The following CBL variants were observed in gnomAD, a reference collection of about 807,000 sequenced individuals.
CBL encodes E3 ubiquitin-protein ligase CBL.
CBL carries 45 observed loss-of-function variants against 96.9 expected under a neutral mutation model. The ratio of observed to expected loss-of-function variants is 0.46; its 90% CI spans 0.37 to 0.60. CBL has a LOEUF of 0.60. Ranked by LOEUF, CBL falls within the 20% of genes least tolerant of loss-of-function variation. The pLI is 0.00. For missense variants in CBL, 1,024 were observed against 1,143.5 expected (o/e 0.90, Z 1.51); for synonymous variants, 420 against 426.8 (o/e 0.98, Z 0.20).
intron 1 of CBL, among the ~76,000 whole-genome samples, chr11:119,208,967 C>G (rs146637403): frequency 6.6e-6 from 1 of 152,314 alleles, no homozygotes; most frequent in Non-Finnish European, 1.5e-5. Context: ...CTTTTCCCTT[C>G]CAGTGTAGGG....
chr11:119,273,809 C>T (rs777023989), intron 3 of CBL, 59 bp from the exon 4 acceptor site: 46 of 1,450,680 alleles, frequency 3.2e-5, no homozygotes, highest in South Asian at 3.1e-4. Context: ...TTGATTATGG[C>T]GATGCCTGGA....
intron 1 of CBL, among the ~76,000 whole-genome samples, chr11:119,213,489 A>G (rs1037482290): frequency 6.6e-6 from 1 of 152,054 alleles, no homozygotes. Flanking sequence ...TTTTTTCTGT[A>G]TTTATCTTAA....
intron 14 of CBL, among the ~76,000 whole-genome samples, chr11:119,297,703 C>A (rs1465570845): frequency 2.0e-5 from 3 of 152,096 alleles, no homozygotes; most frequent in Non-Finnish European, 1.5e-5. Context: ...GGTGATCCAC[C>A]CCTCCCAAAG....
At position 119,283,575 on chromosome 11, in the gene CBL, A is replaced by AT. The variant is rs541957286; in HGVS notation, c.1432-1388dup. Among the ~76,000 whole-genome samples the AT allele has an allele frequency of 2.6e-3, 314 of 121,942 alleles. 2 individuals are homozygous for AT. Among genetic ancestry groups the AT allele is most frequent in the Middle Eastern group, 5.7e-3 (1 of 176 alleles). 80.0% of individuals were successfully genotyped at this position (121,942 alleles called of 152,430 possible). ...GTTCTTTCTTCTAATTTGGTACCTCATTTTTTAGAGCTCAAATTGACAGAA... is the reference window on the plus strand; with the variant it reads ...GTTCTTTCTTCTAATTTGGTACCTCATTTTTTTAGAGCTCAAATTGACAGAA... On this transcript the variant is annotated intron_variant, in intron 9 of 15. Coordinates refer to ENST00000264033, the MANE Select transcript of CBL (RefSeq NM_005188.4).
At chr11:119,283,640 T>C (rs1266445774) in intron 9 of CBL, among the ~76,000 whole-genome samples, 8 of 117,946 alleles carry the variant, frequency 6.8e-5, no homozygotes, top group African/African-American at 2.5e-4. Flanking sequence ...TTTTTTTTTT[T>C]TTTTTTTTTT....
intron 2 of CBL, among the ~76,000 whole-genome samples, chr11:119,254,319 A>G (rs544832664): frequency 7.4e-4 from 112 of 152,350 alleles, no homozygotes; most frequent in African/African-American, 2.6e-3. Flanking sequence ...TCTTTTATGT[A>G]AGTGCAACCA....
rs201158775 is a variant in CBL at position 119,264,443 on chromosome 11, T to C, written c.444-7292T>C. Among the ~76,000 whole-genome samples the C allele has an allele frequency of 6.8e-4, 17 of 25,116 alleles. No individual in the cohort carries two copies. The East Asian group carries it at 0.014, about 21-fold the overall frequency. 16.5% of individuals were successfully genotyped at this position (25,116 alleles called of 152,430 possible). ...CTTCTCTTCTCTTCTCTTCTCTTCTTTCTCTTCTCTTCTCTTCTCTTTTCT... is the reference window on the plus strand; with the variant it reads ...CTTCTCTTCTCTTCTCTTCTCTTCTCTCTCTTCTCTTCTCTTCTCTTTTCT... On this transcript the variant is annotated intron_variant, in intron 2 of 15. Transcript: ENST00000264033.
In CBL at chr11:119,306,907, C is replaced by T. The variant is rs1367059446; in HGVS notation, c.*7126C>T. ...GATTTTTAACCTTATATATCTTTTT[C>T]CTTTACTCAAAACAAAACAATTTTT... is the stretch of plus-strand genomic sequence containing the variant. On this transcript the variant is annotated 3_prime_UTR_variant, in exon 16 of 16. Coordinates refer to ENST00000264033, the MANE Select transcript of CBL (RefSeq NM_005188.4). The T allele has an allele frequency of 8.7e-6, 2 of 229,622 alleles. No individual in the cohort carries two copies. Among genetic ancestry groups the T allele is most frequent in the African/African-American group, 2.2e-5 (1 of 44,974 alleles). 14.2% of individuals were successfully genotyped at this position (229,622 alleles called of 1,614,324 possible).
intron 2 of CBL, among the ~76,000 whole-genome samples, chr11:119,264,450 CTCTTCTCTTCTCTTT>C (rs1565868426): frequency 1.1e-4 from 13 of 121,524 alleles, no homozygotes; most frequent in East Asian, 2.7e-4. Flanking sequence ...TCTTTCTCTT[CTCTTCTCTTCTCTTT>C]TCTTCTTTTC....
intron 2 of CBL, among the ~76,000 whole-genome samples, chr11:119,260,052 A>C (rs188642309): frequency 1.6e-4 from 25 of 152,258 alleles, no homozygotes; most frequent in Admixed American, 6.5e-4. Context: ...TTCCCAAGCT[A>C]CCTGCTAGTT....
intron 9 of CBL, among the ~76,000 whole-genome samples, chr11:119,284,281 C>A (rs1034834646): frequency 1.3e-5 from 2 of 151,856 alleles, no homozygotes; most frequent in Non-Finnish European, 2.9e-5. Flanking sequence ...ATATCTGCAC[C>A]CCCCGCCCCA....
intron 2 of CBL, among the ~76,000 whole-genome samples, chr11:119,258,681 T>A (rs912527153): frequency 6.6e-6 from 1 of 152,196 alleles, no homozygotes. Context: ...TACTATAGCC[T>A]TAATAGTATA....
At chr11:119,296,228 C>T (rs2135319239) in intron 12 of CBL, among the ~76,000 whole-genome samples, 1 of 152,326 alleles carries the variant, frequency 6.6e-6, no homozygotes. Context: ...CACAAATTCA[C>T]ACTCCAAGAA....
intron 1 of CBL, among the ~76,000 whole-genome samples, chr11:119,226,318 G>A (rs1162170705): frequency 1.3e-5 from 2 of 152,166 alleles, no homozygotes; most frequent in African/African-American, 4.8e-5. Flanking sequence ...AAGCCACTCA[G>A]ATGGTGTGGA....
rs1949997860 is a variant in CBL, at chr11:119,288,048, A to G, written c.2036+102A>G. On this transcript the variant is annotated intron_variant, in intron 12 of 15. Transcript: ENST00000264033. ...CCCAGAAAAGTGTAAAAAAGAAAAT[A>G]AAAATCTCTGCACCATGTAGAAATG... 3.9e-6 allele frequency: 3 copies of G among 774,504 alleles called. No homozygotes were observed. In the East Asian group the frequency reaches 7.7e-5, roughly 20 times the overall value. The allele number at this position is 774,504 out of a possible 1,614,324, so 48.0% of individuals were successfully genotyped here.
At position 119,264,662 on chromosome 11, in the gene CBL, T is replaced by G. The variant is rs1018017786; in HGVS notation, c.444-7073T>G. 2.0e-5 allele frequency among the ~76,000 whole-genome samples: 3 copies of G among 151,532 alleles called. No homozygotes were observed. In the East Asian group the frequency reaches 5.8e-4, roughly 29 times the overall value. Reference sequence around the variant, plus strand: ...ATGCCCAGCTGATTTTTGTTTTTTTTGTAGAGACGGACTTTCACCATGTTG... The same window carrying G: ...ATGCCCAGCTGATTTTTGTTTTTTTGGTAGAGACGGACTTTCACCATGTTG... On this transcript the variant is annotated intron_variant, in intron 2 of 15. Transcript: ENST00000264033.
intron 12 of CBL, among the ~76,000 whole-genome samples, chr11:119,290,950 T>C (rs1950022709): frequency 6.6e-6 from 1 of 151,940 alleles, no homozygotes; most frequent in African/African-American, 2.4e-5. Flanking sequence ...GGTGCTGGGA[T>C]TTATAGGTGT....
intron 12 of CBL, among the ~76,000 whole-genome samples, chr11:119,288,858 G>A (rs750384958): frequency 2.0e-5 from 3 of 151,934 alleles, no homozygotes; most frequent in Admixed American, 6.6e-5. Flanking sequence ...TGAGAATAAG[G>A]GCTTCAACAG....
chr11:119,224,249 A>G (rs1949436949), intron 1 of CBL, among the ~76,000 whole-genome samples: 1 of 152,180 alleles, frequency 6.6e-6, no homozygotes, highest in African/African-American at 2.4e-5. Flanking sequence ...TGTCATGAAC[A>G]TTTATTGATT....
Sources: allele counts gnomAD v4.1 joint callset (sites outside exome capture counted in the v4.1 genomes callset), GRCh38; gene constraint gnomAD v4.1.1; transcripts MANE v1.5; gene names NCBI Gene and HGNC (gene_info 2026-07-23, HGNC 2026-07-21).